NR2C2: variants seen among roughly 807,000 people sequenced by gnomAD.
The protein encoded by NR2C2 is Nuclear hormone receptor TR4.
In NR2C2, 6 loss-of-function variants were observed where a neutral mutation model predicts 62.9. The ratio of observed to expected loss-of-function variants is 0.10; its 90% CI spans 0.05 to 0.19. NR2C2 has a LOEUF of 0.19. Among genes scored for constraint, NR2C2 ranks in the 10% least tolerant of loss-of-function variants. The pLI is 1.00. For synonymous variants in NR2C2, 272 were observed against 273.8 expected (o/e 0.99, Z 0.07); for missense variants, 479 against 762.7 (o/e 0.63, Z 4.38).
chr3:14,979,864 G>A (rs2040314110), intron 1 of NR2C2, among the ~76,000 whole-genome samples: 1 of 152,094 alleles, frequency 6.6e-6, no homozygotes, highest in African/African-American at 2.4e-5. Flanking sequence ...ATATTTTGGG[G>A]AGGTATTGGA....
Position 15,028,669 on chromosome 3 carries a change from T to C in NR2C2, c.882T>C (p.Gly294=). ...ACCTAAGTGAATCTTTGAACAACGG[T>C]GACACTTCAGAAATCCAGCCAGAGG... The part of the protein sequence containing the change: ...LANLSESLNN[G]DTSEIQPEDQ... Residue 294 remains glycine (G), a synonymous_variant, in exon 8 of 14, where the codon GGT becomes GGC. Coordinates refer to ENST00000425241, the MANE Select transcript of NR2C2 (RefSeq NM_001291694.2). The C allele has an allele frequency of 6.2e-7, 1 of 1,614,098 alleles. No individual in the cohort carries two copies. The highest frequency in any genetic ancestry group is 1.3e-5 in the African/African-American group (1 of 75,022).
At chr3:15,014,971 C>G (rs887532593) in intron 3 of NR2C2, among the ~76,000 whole-genome samples, 4 of 152,134 alleles carry the variant, frequency 2.6e-5, no homozygotes, top group Admixed American at 6.5e-5. Context: ...GAAGGGAAGA[C>G]TTTTTTTGTC....
At chr3:15,040,810 G>A (rs1276475671) in intron 13 of NR2C2, among the ~76,000 whole-genome samples, 1 of 152,226 alleles carries the variant, frequency 6.6e-6, no homozygotes, top group Admixed American at 6.5e-5. Context: ...GTCAGGGAAT[G>A]CATCCACACC....
chr3:14,981,990 T>A (rs62241845), intron 1 of NR2C2, among the ~76,000 whole-genome samples: 10,983 of 152,200 alleles, frequency 0.072, 440 homozygotes, highest in Middle Eastern at 0.099. Flanking sequence ...CCTCTCCTAG[T>A]CCACTGACTC....
Position 15,030,609 on chromosome 3 carries a change from C to T in NR2C2, c.1110+157C>T, listed in dbSNP as rs146510820. Among the ~76,000 whole-genome samples the T allele has an allele frequency of 4.9e-4, 74 of 152,262 alleles. 1 individual carries two copies. Among genetic ancestry groups the T allele is most frequent in the Middle Eastern group, 6.8e-3 (2 of 294 alleles). The stretch of plus-strand genomic sequence containing the variant: ...TCGGGAGGCCAAGGCACGTGGATCA[C>T]TTCAGCTCAGGAGTTCAAGACCAGC... On this transcript the variant is annotated intron_variant, in intron 9 of 13. Coordinates refer to ENST00000425241, the MANE Select transcript of NR2C2 (RefSeq NM_001291694.2).
chr3:14,994,169 T>G (rs375081821), intron 1 of NR2C2, among the ~76,000 whole-genome samples: 4 of 152,204 alleles, frequency 2.6e-5, no homozygotes, highest in Admixed American at 6.5e-5. Context: ...TGTTTTTTTA[T>G]CCACTCATCT....
At chr3:14,978,088 G>C (rs73031978) in intron 1 of NR2C2, among the ~76,000 whole-genome samples, 8,841 of 151,928 alleles carry the variant, frequency 0.058, 361 homozygotes, top group Middle Eastern at 0.099. Context: ...ACTTAAAACT[G>C]AAAACAAAAA....
At chr3:14,954,475 AATCT>A (rs1323745364) in intron 1 of NR2C2, among the ~76,000 whole-genome samples, 5 of 152,214 alleles carry the variant, frequency 3.3e-5, no homozygotes, top group Non-Finnish European at 5.9e-5. Flanking sequence ...AACTAGAAAC[AATCT>A]AAGTGTTCAT....
intron 1 of NR2C2, among the ~76,000 whole-genome samples, chr3:14,949,521 A>T (rs770400819): frequency 4.6e-5 from 7 of 152,246 alleles, no homozygotes; most frequent in Non-Finnish European, 8.8e-5. Context: ...ACAAATCTTC[A>T]ATGTAATAAG....
rs746676594 is a variant in NR2C2 at position 15,034,441 on chromosome 3, G to T, written c.1233-229G>T. On this transcript the variant is annotated intron_variant, in intron 10 of 13. Transcript: ENST00000425241. The stretch of plus-strand genomic sequence containing the variant: ...TATTAACATTTTTTTATTATTTAAA[G>T]AATGTTTTTTAAGAGAATAGTTGAT... The T allele has an allele frequency of 7.7e-4, 355 of 463,948 alleles. 2 individuals are homozygous for T. Among genetic ancestry groups the T allele is most frequent in the Non-Finnish European group, 5.4e-4 (143 of 262,822 alleles). 28.7% of individuals were successfully genotyped at this position (463,948 alleles called of 1,614,324 possible).
chr3:14,981,598 G>A (rs1283539608), intron 1 of NR2C2, among the ~76,000 whole-genome samples: 9 of 111,082 alleles, frequency 8.1e-5, no homozygotes, highest in Non-Finnish European at 1.2e-4. Context: ...GCGAGGCTCT[G>A]TCTCAAAAAA....
Position 15,030,375 on chromosome 3 carries a change from G to A in NR2C2, c.1033G>A (p.Val345Ile), listed in dbSNP as rs561716347. Residue 345 changes from valine (V) to isoleucine (I), a missense_variant, in exon 9 of 14, where the codon GTC becomes ATC. By Grantham distance (29) the Val-to-Ile change is conservative. Around this residue, in one of 4 missense-constraint regions of NR2C2, gnomAD observed 151 missense variants for 176.1 expected, o/e 0.86. Coordinates refer to ENST00000425241, the MANE Select transcript of NR2C2 (RefSeq NM_001291694.2). ...IDTSGGGSIH[V>I]ISRDQSTPII... ...CACCAGTGGAGGAGGGAGCATCCAC[G>A]TCATCAGCAGAGACCAGTCGACACC... 1.7e-5 allele frequency: 27 copies of A among 1,613,320 alleles called. No individual in the cohort carries two copies. Among genetic ancestry groups the A allele is most frequent in the East Asian group, 2.2e-5 (1 of 44,852 alleles).
chr3:14,992,534 C>T (rs942875712), intron 1 of NR2C2, among the ~76,000 whole-genome samples: 2 of 152,112 alleles, frequency 1.3e-5, no homozygotes, highest in African/African-American at 4.8e-5. Context: ...TAATATGTGC[C>T]TGGCCTTGGG....
At chr3:14,950,215 A>T (rs2039311008) in intron 1 of NR2C2, among the ~76,000 whole-genome samples, 1 of 152,134 alleles carries the variant, frequency 6.6e-6, no homozygotes, top group African/African-American at 2.4e-5. Flanking sequence ...GAACACCGAG[A>T]TTCTAGTTTT....
chr3:15,029,792 A>AATAG (rs144596298), intron 8 of NR2C2, among the ~76,000 whole-genome samples: 20,202 of 138,742 alleles, frequency 0.15, 1,546 homozygotes, highest in East Asian at 0.24. Context: ...GTAAATAAAT[A>AATAG]ATAGATAGAT....
chr3:14,951,945 A>C (rs963978942), intron 1 of NR2C2, among the ~76,000 whole-genome samples: 2 of 152,036 alleles, frequency 1.3e-5, no homozygotes, highest in Non-Finnish European at 2.9e-5. Flanking sequence ...ACGGTGTTTC[A>C]CCATGTTAGC....
Position 15,011,006 on chromosome 3 carries a change from C to G in NR2C2, c.73-2583C>G, listed in dbSNP as rs191125789. Reference sequence around the variant, plus strand: ...CCTCTCAATCACATAACTGTCATTTCTTAACAGGGAAAACAGTTTAGGAAG... The same window carrying G: ...CCTCTCAATCACATAACTGTCATTTGTTAACAGGGAAAACAGTTTAGGAAG... On this transcript the variant is annotated intron_variant, in intron 2 of 13. Coordinates refer to ENST00000425241, the MANE Select transcript of NR2C2 (RefSeq NM_001291694.2). Among the ~76,000 whole-genome samples, 3 of 152,212 alleles carry G rather than the reference C, an allele frequency of 2.0e-5. No homozygotes were observed. The East Asian group carries it at 5.8e-4, about 29-fold the overall frequency.
chr3:14,966,477 C>T (rs749280667), intron 1 of NR2C2, among the ~76,000 whole-genome samples: 1 of 152,194 alleles, frequency 6.6e-6, no homozygotes, highest in Non-Finnish European at 1.5e-5. Context: ...GTCTCAGCTA[C>T]TCTGGAGGCT....
At chr3:15,004,645 G>C in intron 2 of NR2C2, 1 of 1,608,722 alleles carries the variant, frequency 6.2e-7, no homozygotes. Flanking sequence ...GCAAAAAGCT[G>C]GGAGGAAGGG....
Sources: allele counts gnomAD v4.1 joint callset (sites outside exome capture counted in the v4.1 genomes callset), GRCh38; gene constraint gnomAD v4.1.1; regional missense constraint gnomAD v4.1.1; transcripts MANE v1.5; gene names NCBI Gene and HGNC (gene_info 2026-07-23, HGNC 2026-07-21).